FILIP1: variants seen among roughly 807,000 people sequenced by gnomAD.
The protein encoded by FILIP1 is filamin-A-interacting protein 1.
In FILIP1, 61 loss-of-function variants were observed where a neutral mutation model predicts 102.1. The observed-to-expected ratio is 0.60, with a 90% confidence interval of 0.49 to 0.74. FILIP1 has a LOEUF of 0.74. Ranked by LOEUF, FILIP1 falls within the 30% of genes least tolerant of loss-of-function variation. The pLI is 0.00. For synonymous variants in FILIP1, 491 were observed against 526.9 expected (o/e 0.93, Z 0.93); for missense variants, 1,314 against 1,441.2 (o/e 0.91, Z 1.43).
intron 1 of FILIP1, among the ~76,000 whole-genome samples, chr6:75,487,578 A>G (rs1779827411): frequency 6.6e-6 from 1 of 151,268 alleles, no homozygotes; most frequent in African/African-American, 2.4e-5. Context: ...GTGAAAACCT[A>G]ATTTTTGCAT....
intron 2 of FILIP1, among the ~76,000 whole-genome samples, chr6:75,390,874 T>G (rs893482560): frequency 6.6e-6 from 1 of 152,122 alleles, no homozygotes; most frequent in Admixed American, 6.6e-5. Flanking sequence ...TGCCAATTTT[T>G]TTGTGATTTC....
chr6:75,413,426 T>C (rs1288478463), intron 2 of FILIP1, among the ~76,000 whole-genome samples: 3 of 152,170 alleles, frequency 2.0e-5, no homozygotes, highest in Non-Finnish European at 2.9e-5. Flanking sequence ...TCTTTTGCTG[T>C]GAAATGCCAA....
At chr6:75,422,358 T>C (rs143798237) in intron 1 of FILIP1, among the ~76,000 whole-genome samples, 2 of 152,268 alleles carry the variant, frequency 1.3e-5, no homozygotes, top group African/African-American at 4.8e-5. Flanking sequence ...TTACTTTTTC[T>C]ACTTGATTAC....
intron 1 of FILIP1, among the ~76,000 whole-genome samples, chr6:75,452,392 A>C (rs889942834): frequency 8.6e-5 from 13 of 151,948 alleles, no homozygotes; most frequent in African/African-American, 3.1e-4. Flanking sequence ...GTTTGCTGAG[A>C]ATGATGGTTT....
chr6:75,372,310 T>C (rs569673687), intron 2 of FILIP1, among the ~76,000 whole-genome samples: 1 of 144,736 alleles, frequency 6.9e-6, no homozygotes, highest in South Asian at 2.1e-4. Context: ...GAGGTTGCGA[T>C]GAGCTGAGAT....
At chr6:75,431,802 G>A (rs760807971) in intron 1 of FILIP1, among the ~76,000 whole-genome samples, 55 of 151,964 alleles carry the variant, frequency 3.6e-4, no homozygotes, top group Non-Finnish European at 6.6e-4. Flanking sequence ...CTGCTCCAAG[G>A]GAATATACAC....
At position 75,485,482 on chromosome 6, in the gene FILIP1, A is replaced by G. The variant is rs1038468435; in HGVS notation, c.-7+7932T>C. Among the ~76,000 whole-genome samples, 3 of 152,304 alleles carry G rather than the reference A, an allele frequency of 2.0e-5. No individual in the cohort carries two copies. The South Asian group carries it at 6.2e-4, about 32-fold the overall frequency. Reference sequence around the variant, plus strand: ...TCTGTTATATTCCATCCCATATAAAACATTCACCTTCCTGGGATATTCAAT... The same window carrying G: ...TCTGTTATATTCCATCCCATATAAAGCATTCACCTTCCTGGGATATTCAAT... On this transcript the variant is annotated intron_variant, in intron 1 of 5. Coordinates refer to ENST00000237172, the MANE Select transcript of FILIP1 (RefSeq NM_015687.5).
In FILIP1 at chr6:75,312,690, T is replaced by C; in HGVS notation, c.3142A>G (p.Thr1048Ala). The C allele has an allele frequency of 3.7e-6, 6 of 1,614,140 alleles. No individual in the cohort carries two copies. Among genetic ancestry groups the C allele is most frequent in the Non-Finnish European group, 5.1e-6 (6 of 1,180,028 alleles). The change falls in exon 5 of 6, where the codon ACT becomes GCT. Residue 1048 changes from threonine to alanine, a missense_variant. Coordinates refer to ENST00000237172, the MANE Select transcript of FILIP1 (RefSeq NM_015687.5). The stretch of plus-strand genomic sequence containing the variant: ...TTGGAGTTGTATTTCCGTACTGGAG[T>C]TGGAACAGTCTGTTTTTCTGGGGTG... ...KVTPEKQTVPTPVRKYNSNAN... is the reference protein window; with the variant it reads ...KVTPEKQTVPAPVRKYNSNAN...
chr6:75,463,468 T>A (rs1293822675), intron 1 of FILIP1, among the ~76,000 whole-genome samples: 2 of 152,202 alleles, frequency 1.3e-5, no homozygotes, highest in African/African-American at 4.8e-5. Context: ...TTCTTTTACA[T>A]AAATATCCAG....
intron 4 of FILIP1, among the ~76,000 whole-genome samples, 156 bp downstream of exon 4, chr6:75,353,383 T>A (rs372053792): frequency 6.6e-6 from 1 of 152,198 alleles, no homozygotes; most frequent in African/African-American, 2.4e-5. Context: ...AAATTCTGTA[T>A]CATTCTCTAT....
intron 1 of FILIP1, among the ~76,000 whole-genome samples, chr6:75,471,625 A>G (rs779575930): frequency 3.3e-5 from 5 of 152,164 alleles, no homozygotes; most frequent in Non-Finnish European, 7.4e-5. Flanking sequence ...AAGTACAACA[A>G]TCTTCATCAT....
exon 7 of FILIP1, chr6:75,295,784 TGGAA>T: frequency 1.8e-6 from 1 of 542,198 alleles, no homozygotes. Context: ...AAAAAATCAC[TGGAA>T]GTAGTAAAAT....
At chr6:75,365,533 C>A (rs1186716019) in intron 2 of FILIP1, among the ~76,000 whole-genome samples, 1 of 152,112 alleles carries the variant, frequency 6.6e-6, no homozygotes, top group African/African-American at 2.4e-5. Context: ...ACTACAGGCA[C>A]ATGCCGCCTC....
In FILIP1 at chr6:75,309,014, T is replaced by C. The variant is rs1315973521; in HGVS notation, c.3436-117A>G. 2.8e-5 allele frequency: 29 copies of C among 1,019,936 alleles called. No homozygotes were observed. The East Asian group carries it at 3.5e-4, about 12-fold the overall frequency. 63.2% of individuals were successfully genotyped at this position (1,019,936 alleles called of 1,614,324 possible). A position where few individuals can be genotyped will look rare whatever the true frequency, so the allele number is the denominator to read the frequency against. ...ACACAGGAACACCCACAGAAGACCC[T>C]TCCCCAGATAAAATAATTGTGAGAA... On this transcript the variant is annotated intron_variant, in intron 5 of 5. Coordinates refer to ENST00000237172, the MANE Select transcript of FILIP1 (RefSeq NM_015687.5).
intron 6 of FILIP1, among the ~76,000 whole-genome samples, chr6:75,296,341 TTGTGTGTGTGTGTGTGTGTG>T (rs57430339): frequency 2.1e-5 from 3 of 141,482 alleles, no homozygotes; most frequent in Admixed American, 7.0e-5. Flanking sequence ...TTCAATTTCT[TTGTGTGTGTGTGTGTGTGTG>T]TGTGTGTGTG....
At chr6:75,487,041 T>C (rs1170612269) in intron 1 of FILIP1, among the ~76,000 whole-genome samples, 1 of 152,090 alleles carries the variant, frequency 6.6e-6, no homozygotes, top group African/African-American at 2.4e-5. Flanking sequence ...GCCAAACCAG[T>C]TGGTTTGGTG....
intron 2 of FILIP1, chr6:75,386,433 A>T (rs1377805982): frequency 6.6e-6 from 1 of 152,186 alleles, no homozygotes; most frequent in African/African-American, 2.4e-5. Context: ...ATGTAGTCTG[A>T]AGCCTTTTTT....
chr6:75,420,291 AAAAAAAAAGAC>A (rs1444007245), intron 1 of FILIP1, among the ~76,000 whole-genome samples: 5 of 152,034 alleles, frequency 3.3e-5, no homozygotes, highest in Non-Finnish European at 7.4e-5. Context: ...ATTTCCAGAA[AAAAAAAAAGAC>A]AAAAAATAAC....
intron 4 of FILIP1, among the ~76,000 whole-genome samples, chr6:75,327,495 G>A (rs887312083): frequency 1.3e-5 from 2 of 151,314 alleles, no homozygotes; most frequent in Non-Finnish European, 1.5e-5. Flanking sequence ...ACAGGAAACA[G>A]GTAGGGCAGG....
Sources: gnomAD v4.1 joint callset for allele counts (sites outside exome capture counted in the v4.1 genomes callset) on GRCh38, gnomAD v4.1.1 for gene constraint, MANE v1.5 for transcripts, NCBI Gene and HGNC (gene_info 2026-07-23, HGNC 2026-07-21) for gene names.